The following ZNF267 variants were observed in gnomAD, a reference collection of about 807,000 sequenced individuals.
ZNF267 encodes zinc finger protein 267.
In ZNF267, 61 loss-of-function variants were observed where a neutral mutation model predicts 71.6. That is an observed-to-expected ratio of 0.85 (90% CI 0.69 to 1.05). The LOEUF is 1.05. Ranked by LOEUF, ZNF267 falls within the 50% of genes least tolerant of loss-of-function variation. ZNF267 has a pLI of 0.00. For missense variants in ZNF267, 852 were observed against 870.0 expected (o/e 0.98, Z 0.26); for synonymous variants, 288 against 293.2 (o/e 0.98, Z 0.18).
chr16:31,907,343 T>G lies in ZNF267; in HGVS notation c.227-7133T>G, dbSNP rs766091307. On this transcript the variant is annotated intron_variant, in intron 3 of 3. Transcript: ENST00000300870. ...GCCTACTTGATAGTATCCCATAGGTTTACTAGGCTCTTTTTTCCTTCATTT... is the reference window on the plus strand; with the variant it reads ...GCCTACTTGATAGTATCCCATAGGTGTACTAGGCTCTTTTTTCCTTCATTT... Among the ~76,000 whole-genome samples the G allele has an allele frequency of 3.9e-5, 6 of 152,298 alleles. No individual in the cohort carries two copies. The East Asian group carries it at 9.7e-4, about 25-fold the overall frequency.
At position 31,915,837 on chromosome 16, in the gene ZNF267, A is replaced by T. The variant is rs762395235; in HGVS notation, c.1588A>T (p.Thr530Ser). The change falls in exon 4 of 4, where the codon ACT becomes TCT. Residue 530 changes from threonine (T) to serine (S), a missense_variant. Coordinates refer to ENST00000300870, the MANE Select transcript of ZNF267 (RefSeq NM_003414.6). The stretch of plus-strand genomic sequence containing the variant: ...ATGCAAAGTATGTGCTAAACCTTTT[A>T]CTTGTTTCTCAAATCTTATTGTGCA... ...YKCKVCAKPFTCFSNLIVHER... is the reference protein window; with the variant it reads ...YKCKVCAKPFSCFSNLIVHER... 1 of 1,613,530 alleles carries T rather than the reference A, an allele frequency of 6.2e-7. No homozygotes were observed. Among genetic ancestry groups the T allele is most frequent in the Non-Finnish European group, 8.5e-7 (1 of 1,179,976 alleles).
chr16:31,914,989 AAG>A lies in ZNF267; in HGVS notation c.742_743del (p.Glu248IlefsTer2). The A allele has an allele frequency of 6.2e-7, 1 of 1,609,370 alleles. No homozygotes were observed. The highest frequency in any genetic ancestry group is 8.5e-7 in the Non-Finnish European group (1 of 1,178,806). The stretch of plus-strand genomic sequence containing the variant: ...TTTCTAGAAAAACAATACAAATGTA[AAG>A]AATTTGAGGAAGTCTTTCTTCAGAG... On this transcript the variant is annotated frameshift_variant, in exon 4 of 4. Transcript: ENST00000300870. LOFTEE classifies it high-confidence loss of function.
At chr16:31,874,523 A>C (rs1372310910) in intron 1 of ZNF267, among the ~76,000 whole-genome samples, 1 of 152,234 alleles carries the variant, frequency 6.6e-6, no homozygotes, top group East Asian at 1.9e-4. Flanking sequence ...GATGGGTTAC[A>C]GTTTGTAGTT....
chr16:31,916,394 C>G lies in ZNF267; in HGVS notation c.2145C>G (p.Pro715=), dbSNP rs1199674291. Reference sequence around the variant, plus strand: ...GGAGAAGTCATAGTGGAGAGAGACCCTACAAATGTGAAGAATGTGGCAAAG... The same window carrying G: ...GGAGAAGTCATAGTGGAGAGAGACCGTACAAATGTGAAGAATGTGGCAAAG... The part of the protein sequence containing the change: ...THRRSHSGER[P]YKCEECGKAF... Residue 715 remains proline, a synonymous_variant, in exon 4 of 4, where the codon CCC becomes CCG. Coordinates refer to ENST00000300870, the MANE Select transcript of ZNF267 (RefSeq NM_003414.6). The G allele has an allele frequency of 6.2e-7, 1 of 1,613,922 alleles. No individual in the cohort carries two copies. Among genetic ancestry groups the G allele is most frequent in the African/African-American group, 1.3e-5 (1 of 74,900 alleles).
intron 1 of ZNF267, among the ~76,000 whole-genome samples, chr16:31,877,944 C>CTTAA (rs2083863615): frequency 6.6e-6 from 1 of 151,820 alleles, no homozygotes; most frequent in Non-Finnish European, 1.5e-5. Flanking sequence ...AATGATTGAA[C>CTTAA]TTAAGGATAG....
At chr16:31,898,786 G>A (rs191293403) in intron 3 of ZNF267, among the ~76,000 whole-genome samples, 273 of 151,950 alleles carry the variant, frequency 1.8e-3, no homozygotes, top group African/African-American at 6.3e-3. Flanking sequence ...ACAGATTTAC[G>A]GTTATTTTTA....
At chr16:31,878,706 C>T (rs759530567) in intron 1 of ZNF267, among the ~76,000 whole-genome samples, 6 of 152,188 alleles carry the variant, frequency 3.9e-5, no homozygotes, top group African/African-American at 7.2e-5. Context: ...GGTACTGCCC[C>T]CTGCTCATGG....
Position 31,873,845 on chromosome 16 carries a change from T to G in ZNF267, c.-122T>G. The G allele has an allele frequency of 7.1e-7, 1 of 1,400,834 alleles. No individual in the cohort carries two copies. The highest frequency in any genetic ancestry group is 1.0e-6 in the Non-Finnish European group (1 of 992,614). The allele number at this position is 1,400,834 out of a possible 1,614,324, so 86.8% of individuals were successfully genotyped here. ...GTCTCCTCGCCACAGCTCCGAGTCT[T>G]TCGTTCTGGGAGGCCCAGGCGGCTT... is the stretch of plus-strand genomic sequence containing the variant. On this transcript the variant is annotated 5_prime_UTR_variant, in exon 1 of 4. Transcript: ENST00000300870.
At chr16:31,875,129 G>A (rs1567470022) in intron 1 of ZNF267, 2 of 1,289,110 alleles carry the variant, frequency 1.6e-6, no homozygotes, top group Non-Finnish European at 2.0e-6. Context: ...TTGACTTGAG[G>A]TTTTGCTTTG....
intron 3 of ZNF267, among the ~76,000 whole-genome samples, chr16:31,893,253 G>T (rs143348597): frequency 6.6e-6 from 1 of 152,228 alleles, no homozygotes; most frequent in Non-Finnish European, 1.5e-5. Flanking sequence ...TGCTGGAGCC[G>T]CTGGGATGCA....
intron 1 of ZNF267, among the ~76,000 whole-genome samples, chr16:31,874,968 C>CT (rs1248713574): frequency 6.6e-6 from 1 of 152,124 alleles, no homozygotes; most frequent in Non-Finnish European, 1.5e-5. Context: ...GTGGATGACA[C>CT]TTTTTTAAAG....
At chr16:31,890,101 A>G (rs1421472824) in intron 3 of ZNF267, 4 of 152,212 alleles carry the variant, frequency 2.6e-5, no homozygotes, top group Admixed American at 1.3e-4. Flanking sequence ...GTGTATTCTC[A>G]TACTGTTTGA....
chr16:31,901,313 C>T (rs1392400261), intron 3 of ZNF267, among the ~76,000 whole-genome samples: 2 of 152,084 alleles, frequency 1.3e-5, no homozygotes, highest in East Asian at 3.9e-4. Flanking sequence ...TGGGTATATA[C>T]CCAGTAATGG....
At chr16:31,885,441 G>T (rs577796507) in intron 3 of ZNF267, among the ~76,000 whole-genome samples, 185 bp downstream of exon 3, 1 of 152,324 alleles carries the variant, frequency 6.6e-6, no homozygotes, top group East Asian at 1.9e-4. Context: ...ATTATCTGAT[G>T]ATTCTCCTTC....
Position 31,914,846 on chromosome 16 carries a change from G to A in ZNF267, c.597G>A (p.Gln199=). The part of the protein sequence containing the change: ...IYDKTSVLFR[Q]VSTLNSYRNV... ...ATAAAACTTCAGTGTTATTTAGGCA[G>A]GTCTCTACTCTAAATAGTTACCGAA... is the stretch of plus-strand genomic sequence containing the variant. Residue 199 remains glutamine, a synonymous_variant, in exon 4 of 4, where the codon CAG becomes CAA. Coordinates refer to ENST00000300870, the MANE Select transcript of ZNF267 (RefSeq NM_003414.6). The A allele has an allele frequency of 4.3e-6, 7 of 1,610,894 alleles. No homozygotes were observed. The highest frequency in any genetic ancestry group is 5.9e-6 in the Non-Finnish European group (7 of 1,179,126).
chr16:31,916,438 A>G lies in ZNF267; in HGVS notation c.2189A>G (p.Tyr730Cys). 1.9e-6 allele frequency: 3 copies of G among 1,613,960 alleles called. No homozygotes were observed. The highest frequency in any genetic ancestry group is 2.5e-6 in the Non-Finnish European group (3 of 1,179,932). Residue 730 changes from tyrosine (Y) to cysteine (C), a missense_variant, in exon 4 of 4, where the codon TAC becomes TGC. Tyr to Cys is a radical substitution (Grantham distance 194, BLOSUM62 -2). Transcript: ENST00000300870. ...ECGKAFNSRS[Y>C]LIAHQRSHTR... is the part of the protein sequence containing the mutation. ...GGCAAAGCCTTTAACTCTAGGTCAT[A>G]CCTCATTGCACATCAGAGAAGTCAT...
rs34409182 is a variant in ZNF267, at chr16:31,909,120, C to CTTTTTTTTTTTTTTTTTT, written c.227-5347_227-5330dup. On this transcript the variant is annotated intron_variant, in intron 3 of 3. Coordinates refer to ENST00000300870, the MANE Select transcript of ZNF267 (RefSeq NM_003414.6). ...TTCTATCTTCTATTTCTTTTCTTTT[C>CTTTTTTTTTTTTTTTTTT]TTTTTTTTTTTTTTTTTTTTTTTTT... is the stretch of plus-strand genomic sequence containing the variant. Among the ~76,000 whole-genome samples the CTTTTTTTTTTTTTTTTTT allele has an allele frequency of 2.1e-3, 96 of 45,328 alleles. 1 individual carries two copies. Among genetic ancestry groups the CTTTTTTTTTTTTTTTTTT allele is most frequent in the Non-Finnish European group, 2.6e-3 (70 of 26,614 alleles). The allele number at this position is 45,328 out of a possible 152,430, so 29.7% of individuals were successfully genotyped here.
rs917197418 is a variant in ZNF267, at chr16:31,903,263, G to C, written c.227-11213G>C. Among the ~76,000 whole-genome samples the C allele has an allele frequency of 5.3e-5, 8 of 151,970 alleles. No homozygotes were observed. The East Asian group carries it at 9.6e-4, about 18-fold the overall frequency. On this transcript the variant is annotated intron_variant, in intron 3 of 3. Transcript: ENST00000300870. ...CTAAAATTCTCTTTTTTTGTTGTGT[G>C]TCTGCCAGGCTTTGGTCTCAGGATG...
intron 3 of ZNF267, among the ~76,000 whole-genome samples, chr16:31,889,756 A>G (rs566295098): frequency 6.6e-6 from 1 of 152,262 alleles, no homozygotes; most frequent in South Asian, 2.1e-4. Flanking sequence ...CTTTTAAACA[A>G]CCAGATCTCA....
Sources: gnomAD v4.1 joint callset for allele counts (sites outside exome capture counted in the v4.1 genomes callset) on GRCh38, gnomAD v4.1.1 for gene constraint, MANE v1.5 for transcripts, NCBI Gene and HGNC (gene_info 2026-07-23, HGNC 2026-07-21) for gene names.